Variants in NKAIN3 observed in about 807,000 individuals in gnomAD.
NKAIN3 encodes sodium/potassium-transporting ATPase subunit beta-1-interacting protein 3.
NKAIN3 carries 25 observed loss-of-function variants against 30.2 expected under a neutral mutation model. That is an observed-to-expected ratio of 0.83 (90% CI 0.60 to 1.16). The LOEUF (loss-of-function observed/expected upper bound fraction) is 1.16. Among genes scored for constraint, NKAIN3 ranks in the 50% most tolerant of loss-of-function variants. The probability of loss-of-function intolerance (pLI) is 0.00; values close to 1 mark genes in which losing one functional copy is unlikely to be tolerated. For missense variants in NKAIN3, 225 were observed against 254.1 expected (o/e 0.89, Z 0.78); for synonymous variants, 91 against 89.6 (o/e 1.02, Z -0.09).
chr8:62,899,801 C>A (rs1821546688), intron 4 of NKAIN3, among the ~76,000 whole-genome samples: 1 of 152,070 alleles, frequency 6.6e-6, no homozygotes, highest in Non-Finnish European at 1.5e-5. Flanking sequence ...CCCCATTTTA[C>A]ATGATGGGAT....
At chr8:62,923,730 G>T (rs1176667400) in intron 5 of NKAIN3, among the ~76,000 whole-genome samples, 1 of 152,158 alleles carries the variant, frequency 6.6e-6, no homozygotes, top group Non-Finnish European at 1.5e-5. Context: ...AACATGTGGT[G>T]AAGGGGACAG....
chr8:62,475,218 A>G (rs1806481231), intron 1 of NKAIN3, among the ~76,000 whole-genome samples: 1 of 152,240 alleles, frequency 6.6e-6, no homozygotes, highest in Admixed American at 6.5e-5. Context: ...GATGTTCGTG[A>G]TGAGAATAAA....
At chr8:62,805,290 G>T (rs1290738885) in intron 4 of NKAIN3, among the ~76,000 whole-genome samples, 1 of 151,632 alleles carries the variant, frequency 6.6e-6, no homozygotes, top group Non-Finnish European at 1.5e-5. Context: ...TCACAGAATT[G>T]GAAAAAACTA....
chr8:62,784,859 C>T (rs764440457), intron 4 of NKAIN3, among the ~76,000 whole-genome samples: 1 of 152,032 alleles, frequency 6.6e-6, no homozygotes, highest in Non-Finnish European at 1.5e-5. Context: ...AATCCAAAAT[C>T]CAGCAACATA....
chr8:62,750,655 G>A (rs2130593095), intron 4 of NKAIN3, among the ~76,000 whole-genome samples: 1 of 152,278 alleles, frequency 6.6e-6, no homozygotes, highest in Non-Finnish European at 1.5e-5. Flanking sequence ...GAGAGTGCTA[G>A]GCACAGAGAA....
At chr8:62,290,385 T>C (rs1813551047) in intron 1 of NKAIN3, among the ~76,000 whole-genome samples, 1 of 152,212 alleles carries the variant, frequency 6.6e-6, no homozygotes, top group Admixed American at 6.5e-5. Context: ...GGGTTTGTCA[T>C]AAATAGCTCC....
rs180776580 is a variant in NKAIN3 at position 62,286,197 on chromosome 8, A to G, written c.54+37070A>G. Reference sequence around the variant, plus strand: ...CCATTCATTTGATTGTAAGCTTCTTAAATTCAGGACACTAACCCCTTTGTA... The same window carrying G: ...CCATTCATTTGATTGTAAGCTTCTTGAATTCAGGACACTAACCCCTTTGTA... On this transcript the variant is annotated intron_variant, in intron 1 of 6. Transcript: ENST00000623646. Among the ~76,000 whole-genome samples the G allele has an allele frequency of 8.3e-4, 126 of 152,286 alleles. 1 individual carries two copies. Among genetic ancestry groups the G allele is most frequent in the Middle Eastern group, 6.8e-3 (2 of 294 alleles).
intron 1 of NKAIN3, among the ~76,000 whole-genome samples, chr8:62,278,122 C>T (rs1319247701): frequency 1.3e-5 from 2 of 152,260 alleles, no homozygotes; most frequent in South Asian, 2.1e-4. Flanking sequence ...GGCCGCCACA[C>T]ATGCCTGGAT....
chr8:62,839,820 C>T (rs1453878247), intron 4 of NKAIN3, among the ~76,000 whole-genome samples: 1 of 151,970 alleles, frequency 6.6e-6, no homozygotes, highest in Non-Finnish European at 1.5e-5. Flanking sequence ...CACTATGTTG[C>T]CCTGGCTGGT....
At position 62,487,317 on chromosome 8, in the gene NKAIN3, G is replaced by A. The variant is rs566027729; in HGVS notation, c.55-92222G>A. Among the ~76,000 whole-genome samples the A allele has an allele frequency of 2.0e-4, 31 of 152,234 alleles. No homozygotes were observed. The South Asian group carries it at 2.7e-3, about 13-fold the overall frequency. ...AGGATTTTTGCTTTCTTTGTAATCAGCAGAAGCTCAGAATTATGAGGTTCA... is the reference window on the plus strand; with the variant it reads ...AGGATTTTTGCTTTCTTTGTAATCAACAGAAGCTCAGAATTATGAGGTTCA... On this transcript the variant is annotated intron_variant, in intron 1 of 6. Transcript: ENST00000623646.
At position 62,365,913 on chromosome 8, in the gene NKAIN3, T is replaced by C. The variant is rs746005289; in HGVS notation, c.54+116786T>C. Among the ~76,000 whole-genome samples the C allele has an allele frequency of 1.8e-4, 28 of 152,158 alleles. 1 individual carries two copies. The highest frequency in any genetic ancestry group is 6.3e-3 in the Middle Eastern group (2 of 316). ...AAAAATTTTAAGGGTAATACTGGCC[T>C]CCTAAAGTAAATTTGGACGTATTCC... is the stretch of plus-strand genomic sequence containing the variant. On this transcript the variant is annotated intron_variant, in intron 1 of 6. Coordinates refer to ENST00000623646, the MANE Select transcript of NKAIN3 (RefSeq NM_001304533.3).
intron 1 of NKAIN3, among the ~76,000 whole-genome samples, chr8:62,402,817 G>A (rs903892825): frequency 3.9e-5 from 6 of 152,288 alleles, no homozygotes; most frequent in African/African-American, 1.2e-4. Context: ...GTGGGGTGCT[G>A]CTGTAAAGAT....
At chr8:62,880,268 C>T (rs541455113) in intron 4 of NKAIN3, among the ~76,000 whole-genome samples, 58 of 152,194 alleles carry the variant, frequency 3.8e-4, no homozygotes, top group African/African-American at 1.2e-3. Context: ...GCTGTCTGGA[C>T]GTTTTACCAC....
intron 4 of NKAIN3, among the ~76,000 whole-genome samples, chr8:62,840,914 G>A (rs2130759516): frequency 6.6e-6 from 1 of 152,244 alleles, no homozygotes; most frequent in African/African-American, 2.4e-5. Context: ...ACAGCTAGGA[G>A]TATGCTTGCT....
At position 62,894,845 on chromosome 8, in the gene NKAIN3, T is replaced by A. The variant is rs181447139; in HGVS notation, c.472-23608T>A. Among the ~76,000 whole-genome samples the A allele has an allele frequency of 6.6e-5, 10 of 152,282 alleles. No homozygotes were observed. In the East Asian group the frequency reaches 1.9e-3, roughly 29 times the overall value. On this transcript the variant is annotated intron_variant, in intron 4 of 6. Coordinates refer to ENST00000623646, the MANE Select transcript of NKAIN3 (RefSeq NM_001304533.3). ...ATTCTCAGGATGTAGTTTTTATCCTTAAAGTCACCTCATGAGCACAACATA... is the reference window on the plus strand; with the variant it reads ...ATTCTCAGGATGTAGTTTTTATCCTAAAAGTCACCTCATGAGCACAACATA...
chr8:62,351,683 C>T (rs1816185128), intron 1 of NKAIN3, among the ~76,000 whole-genome samples: 1 of 151,926 alleles, frequency 6.6e-6, no homozygotes, highest in Non-Finnish European at 1.5e-5. Context: ...AAATCAGTTC[C>T]TACATTGAAA....
At chr8:62,328,908 T>C (rs1290654404) in intron 1 of NKAIN3, among the ~76,000 whole-genome samples, 2 of 152,068 alleles carry the variant, frequency 1.3e-5, no homozygotes, top group Admixed American at 6.6e-5. Context: ...GGTTGGTCTG[T>C]GGGATCCATA....
At chr8:62,839,112 G>A (rs1199007544) in intron 4 of NKAIN3, among the ~76,000 whole-genome samples, 1 of 151,976 alleles carries the variant, frequency 6.6e-6, no homozygotes, top group Non-Finnish European at 1.5e-5. Context: ...CAGTGATGCA[G>A]TTTCTCTGTT....
At chr8:62,372,282 C>T (rs1440211730) in intron 1 of NKAIN3, among the ~76,000 whole-genome samples, 3 of 151,804 alleles carry the variant, frequency 2.0e-5, no homozygotes, top group South Asian at 4.1e-4. Flanking sequence ...TAGGTAGATA[C>T]TGAAGATTAT....
Sources: allele counts gnomAD v4.1 joint callset (sites outside exome capture counted in the v4.1 genomes callset), GRCh38; gene constraint gnomAD v4.1.1; transcripts MANE v1.5; gene names NCBI Gene and HGNC (gene_info 2026-07-23, HGNC 2026-07-21).